Variants in SOX5 observed in about 807,000 individuals in gnomAD.
The protein encoded by SOX5 is transcription factor SOX-5.
SOX5 carries 9 observed loss-of-function variants against 92.0 expected under a neutral mutation model. That is an observed-to-expected ratio of 0.10 (90% CI 0.06 to 0.17). SOX5 has a LOEUF of 0.17. Ranked by LOEUF, SOX5 falls within the 10% of genes least tolerant of loss-of-function variation. The pLI, the probability that SOX5 is intolerant of heterozygous loss-of-function variation, is 1.00. For synonymous variants in SOX5, 344 were observed against 336.3 expected, an observed-to-expected ratio of 1.02 and a Z score of -0.25; for missense variants, 642 against 944.5, an observed-to-expected ratio of 0.68 and a Z score of 4.20.
chr12:24,367,883 A>G (rs1956333632), intron 2 of SOX5: 1 of 152,202 alleles, frequency 6.6e-6, no homozygotes, highest in African/African-American at 2.4e-5. Context: ...ACAATGAACT[A>G]TAAAAGATAG....
At position 23,752,660 on chromosome 12, in the gene SOX5, G is replaced by A. The variant is rs543064155; in HGVS notation, c.568+2978C>T. Among the ~76,000 whole-genome samples, 9 of 151,892 alleles carry A rather than the reference G, an allele frequency of 5.9e-5. No individual in the cohort carries two copies. In the East Asian group the frequency reaches 1.8e-3, roughly 30 times the overall value. On this transcript the variant is annotated intron_variant, in intron 4 of 14. Transcript: ENST00000451604. Reference sequence around the variant, plus strand: ...CTCCCTCCGCACTCAATAACTATGAGACTCTAAAAGGTATTTCTTCACCTT... The same window carrying A: ...CTCCCTCCGCACTCAATAACTATGAAACTCTAAAAGGTATTTCTTCACCTT...
At position 24,446,276 on chromosome 12, in the gene SOX5, A is replaced by C. The variant is rs572800298; in HGVS notation, c.-250-77637T>G. Among the ~76,000 whole-genome samples, 5 of 143,200 alleles carry C rather than the reference A, an allele frequency of 3.5e-5. No individual in the cohort carries two copies. The South Asian group carries it at 1.1e-3, about 31-fold the overall frequency. 93.9% of individuals were successfully genotyped at this position (143,200 alleles called of 152,430 possible). On this transcript the variant is annotated intron_variant, in intron 1 of 4. Coordinates refer to the SOX5 transcript ENST00000446891. Reference sequence around the variant, plus strand: ...CAAAACATGGTAATATGACAGGGAGAGACTGAGACTACCCTAGATTGGGTG... The same window carrying C: ...CAAAACATGGTAATATGACAGGGAGCGACTGAGACTACCCTAGATTGGGTG...
intron 4 of SOX5, among the ~76,000 whole-genome samples, chr12:24,079,513 T>G (rs900461655): frequency 2.0e-5 from 3 of 152,056 alleles, no homozygotes; most frequent in Non-Finnish European, 4.4e-5. Context: ...TTTTATTTAT[T>G]TTTATTAAAT....
intron 2 of SOX5, among the ~76,000 whole-genome samples, chr12:23,860,418 C>T (rs2096742026): frequency 6.6e-6 from 1 of 151,880 alleles, no homozygotes; most frequent in African/African-American, 2.4e-5. Flanking sequence ...CAAAGATAAA[C>T]ATGGTTTTTG....
intron 4 of SOX5, among the ~76,000 whole-genome samples, chr12:24,008,509 A>G (rs531512463): frequency 4.6e-5 from 7 of 152,242 alleles, no homozygotes; most frequent in African/African-American, 1.7e-4. Flanking sequence ...AAATCCACCT[A>G]TATATTTTTG....
intron 1 of SOX5, among the ~76,000 whole-genome samples, chr12:24,522,187 T>C (rs924945522): frequency 8.1e-5 from 12 of 149,064 alleles, no homozygotes; most frequent in African/African-American, 3.0e-4. Flanking sequence ...ATAGATAAAC[T>C]CCTAGAAATA....
Position 23,530,963 on chromosome 12 carries a change from T to C in SOX5, c.*3256A>G, listed in dbSNP as rs1938954934. 1 of 152,154 alleles carries C rather than the reference T, an allele frequency of 6.6e-6. No homozygotes were observed. The highest frequency in any genetic ancestry group is 2.4e-5 in the African/African-American group (1 of 41,434). The allele number at this position is 152,154 out of a possible 1,614,324, so 9.4% of individuals were successfully genotyped here. A position where few individuals can be genotyped will look rare whatever the true frequency, so the allele number is the denominator to read the frequency against. On this transcript the variant is annotated 3_prime_UTR_variant, in exon 15 of 15. Transcript: ENST00000451604. ...CTTACTCTCATTTTCTTTATCTTTT[T>C]TGGTCATTATGGGGCACAGAAAAAG...
chr12:24,152,055 T>G (rs1951711064), intron 4 of SOX5, among the ~76,000 whole-genome samples: 2 of 152,160 alleles, frequency 1.3e-5, no homozygotes, highest in African/African-American at 4.8e-5. Context: ...CCTCTATCAC[T>G]GAAGGGCTTT....
intron 4 of SOX5, among the ~76,000 whole-genome samples, chr12:24,088,053 C>T (rs1355466813): frequency 1.3e-5 from 2 of 151,864 alleles, no homozygotes; most frequent in Admixed American, 6.6e-5. Context: ...CCCAGGAAAG[C>T]TACAAGCAAT....
intron 8 of SOX5, among the ~76,000 whole-genome samples, chr12:23,620,123 T>A (rs1592649577): frequency 6.6e-6 from 1 of 151,728 alleles, no homozygotes; most frequent in Non-Finnish European, 1.5e-5. Flanking sequence ...TACCTGGAGG[T>A]CAGAAGGATG....
At chr12:23,759,142 A>C (rs2141294553) in intron 3 of SOX5, among the ~76,000 whole-genome samples, 1 of 152,042 alleles carries the variant, frequency 6.6e-6, no homozygotes, top group South Asian at 2.1e-4. Flanking sequence ...GGATAGATGA[A>C]GTAAAAACTT....
intron 2 of SOX5, among the ~76,000 whole-genome samples, chr12:24,298,858 C>T (rs976746557): frequency 4.8e-5 from 7 of 146,388 alleles, no homozygotes; most frequent in African/African-American, 7.5e-5. Flanking sequence ...TTTTTAAGTA[C>T]GTAAATAGCC....
chr12:24,070,309 G>C (rs1941558325), intron 4 of SOX5, among the ~76,000 whole-genome samples: 1 of 151,982 alleles, frequency 6.6e-6, no homozygotes, highest in Non-Finnish European at 1.5e-5. Context: ...TTTCATCTCA[G>C]AAAAATACAG....
At chr12:24,527,115 T>C (rs900892426) in intron 1 of SOX5, among the ~76,000 whole-genome samples, 2 of 152,214 alleles carry the variant, frequency 1.3e-5, no homozygotes, top group Non-Finnish European at 1.5e-5. Context: ...GTTTGTTTTC[T>C]ATCATGTCCA....
At chr12:24,173,328 C>A (rs889822708) in intron 4 of SOX5, among the ~76,000 whole-genome samples, 1 of 152,196 alleles carries the variant, frequency 6.6e-6, no homozygotes, top group Admixed American at 6.5e-5. Context: ...TTGGAGTCTC[C>A]CCTTTAATCA....
intron 6 of SOX5, among the ~76,000 whole-genome samples, chr12:23,694,208 C>A (rs1403350179): frequency 1.3e-5 from 2 of 152,154 alleles, no homozygotes; most frequent in Non-Finnish European, 2.9e-5. Context: ...CATCTTTAAA[C>A]AACCTGTCTA....
intron 1 of SOX5, among the ~76,000 whole-genome samples, chr12:24,514,236 TTACA>T (rs1949575454): frequency 6.6e-6 from 1 of 152,242 alleles, no homozygotes; most frequent in Non-Finnish European, 1.5e-5. Context: ...TATTTTAGTC[TTACA>T]TACCACTTTT....
At chr12:23,740,842 G>T (rs1399102330) in intron 5 of SOX5, 25 bp downstream of exon 5, 2 of 1,588,298 alleles carry the variant, frequency 1.3e-6, no homozygotes, top group East Asian at 2.3e-5. Context: ...TGAGGAATAT[G>T]ACTGCATCGC....
intron 4 of SOX5, among the ~76,000 whole-genome samples, chr12:24,042,194 A>C (rs188751654): frequency 6.6e-6 from 1 of 152,122 alleles, no homozygotes; most frequent in Non-Finnish European, 1.5e-5. Context: ...GGACTAAAGA[A>C]ATATGCAAGG....
Sources: gnomAD v4.1 joint callset for allele counts (sites outside exome capture counted in the v4.1 genomes callset) on GRCh38, gnomAD v4.1.1 for gene constraint, MANE v1.5 for transcripts, NCBI Gene and HGNC (gene_info 2026-07-23, HGNC 2026-07-21) for gene names.